The following MEIS2 variants were observed in gnomAD, a reference collection of about 807,000 sequenced individuals.
MEIS2 encodes the protein homeobox protein Meis2.
A neutral mutation model predicts 58.6 loss-of-function variants in MEIS2; 9 were observed. The observed-to-expected ratio is 0.15, with a 90% CI of 0.09 to 0.27. The LOEUF is 0.27. MEIS2 is among the 10% of genes least tolerant of loss of function. The pLI is 1.00. For synonymous variants in MEIS2, 221 were observed against 228.4 expected, an observed-to-expected ratio of 0.97 and a Z score of 0.29; for missense variants, 427 against 635.0, an observed-to-expected ratio of 0.67 and a Z score of 3.52.
chr15:36,934,681 G>T (rs529318008), intron 9 of MEIS2, among the ~76,000 whole-genome samples: 1 of 152,302 alleles, frequency 6.6e-6, no homozygotes, highest in African/African-American at 2.4e-5. Context: ...AGCATGAAAT[G>T]CTGTCATGCA....
At chr15:37,072,974 G>T (rs755209625) in intron 7 of MEIS2, among the ~76,000 whole-genome samples, 1 of 151,922 alleles carries the variant, frequency 6.6e-6, no homozygotes, top group Non-Finnish European at 1.5e-5. Flanking sequence ...GTATTTATTC[G>T]TTTACCTTTC....
At chr15:36,920,253 G>A (rs1210908922) in intron 9 of MEIS2, among the ~76,000 whole-genome samples, 6 of 151,990 alleles carry the variant, frequency 3.9e-5, no homozygotes, top group East Asian at 3.9e-4. Context: ...GGGTTCAAGC[G>A]ATTCTCCTGC....
At chr15:37,074,993 C>T (rs577104153) in intron 7 of MEIS2, among the ~76,000 whole-genome samples, 15 of 152,072 alleles carry the variant, frequency 9.9e-5, no homozygotes, top group Admixed American at 3.9e-4. Flanking sequence ...TGTAGAAAAT[C>T]GACAACAGGA....
chr15:36,896,813 G>T, intron 9 of MEIS2, 127 bp from the exon 10 acceptor site: 1 of 810,254 alleles, frequency 1.2e-6, no homozygotes, highest in Middle Eastern at 2.3e-4. Context: ...TCAATTTAAA[G>T]GTGATTTTCC....
chr15:37,033,362 G>A (rs1028604687), intron 8 of MEIS2, among the ~76,000 whole-genome samples: 1 of 152,140 alleles, frequency 6.6e-6, no homozygotes, highest in Non-Finnish European at 1.5e-5. Context: ...CAAAGCCTTG[G>A]CAGCCCCCTT....
intron 7 of MEIS2, among the ~76,000 whole-genome samples, chr15:37,065,639 TA>T (rs941118103): frequency 6.6e-6 from 1 of 152,228 alleles, no homozygotes; most frequent in African/African-American, 2.4e-5. Context: ...GCTTAATTTT[TA>T]AAGCCCATCT....
chr15:37,084,954 TACTGGCAAGTGA>T (rs1262786816), intron 6 of MEIS2, among the ~76,000 whole-genome samples: 8 of 152,130 alleles, frequency 5.3e-5, no homozygotes, highest in African/African-American at 1.9e-4. Flanking sequence ...CCCACAGACC[TACTGGCAAGTGA>T]ATGATTTGGG....
intron 8 of MEIS2, among the ~76,000 whole-genome samples, chr15:37,021,393 C>T (rs4924117): frequency 0.45 from 68,895 of 152,042 alleles, 16,180 homozygotes; most frequent in East Asian, 0.7. Context: ...CTTTCCCCTA[C>T]GACTTATGTA....
At chr15:37,009,134 A>G (rs540253629) in intron 8 of MEIS2, among the ~76,000 whole-genome samples, 39 of 152,138 alleles carry the variant, frequency 2.6e-4, no homozygotes, top group Admixed American at 8.5e-4. Context: ...CTAAAAATAC[A>G]AAAAATTAAC....
At chr15:37,042,105 T>C (rs1281279012) in intron 7 of MEIS2, among the ~76,000 whole-genome samples, 2 of 152,152 alleles carry the variant, frequency 1.3e-5, no homozygotes, top group Non-Finnish European at 2.9e-5. Context: ...GGGCAGTGAT[T>C]GCACCACTGC....
At chr15:37,031,690 G>A (rs116481396) in intron 8 of MEIS2, among the ~76,000 whole-genome samples, 2,515 of 151,912 alleles carry the variant, frequency 0.017, 70 homozygotes, top group African/African-American at 0.057. Flanking sequence ...CTGAGAGGTG[G>A]GCTTCACCCC....
chr15:37,057,113 C>T (rs1439429505), intron 7 of MEIS2, among the ~76,000 whole-genome samples: 1 of 152,214 alleles, frequency 6.6e-6, no homozygotes, highest in Non-Finnish European at 1.5e-5. Flanking sequence ...CTCACGGCAC[C>T]TAGCCTGTAA....
intron 9 of MEIS2, among the ~76,000 whole-genome samples, chr15:36,930,929 T>A (rs982346523): frequency 1.3e-5 from 2 of 151,990 alleles, no homozygotes; most frequent in African/African-American, 4.8e-5. Context: ...AACCACGTAG[T>A]TCGAAAGTTG....
rs370892397 is a variant in MEIS2 at position 37,043,193 on chromosome 15, T to A, written c.755-6234A>T. Among the ~76,000 whole-genome samples the A allele has an allele frequency of 1.0e-3, 153 of 152,312 alleles. 1 individual carries two copies. The highest frequency in any genetic ancestry group is 3.3e-3 in the African/African-American group (137 of 41,572). On this transcript the variant is annotated intron_variant, in intron 7 of 11. Transcript: ENST00000561208. ...TTATTTAATTCTCATTTCTCCCTAG[T>A]TCTAGACCAGGTTTAATAGTTAAAT... is the stretch of plus-strand genomic sequence containing the variant.
At chr15:36,894,922 G>GA in intron 11 of MEIS2, 1 of 1,046,364 alleles carries the variant, frequency 9.6e-7, no homozygotes, top group Non-Finnish European at 1.5e-6. Flanking sequence ...GGTTTAAAAA[G>GA]AAAAAAGAAA....
intron 9 of MEIS2, among the ~76,000 whole-genome samples, chr15:36,922,493 C>T (rs76606742): frequency 5.3e-5 from 8 of 150,454 alleles, no homozygotes; most frequent in East Asian, 3.9e-4. Context: ...TTACATTTTA[C>T]GGGAGTTCAT....
At chr15:37,079,309 T>C (rs972363258) in intron 7 of MEIS2, among the ~76,000 whole-genome samples, 9 of 152,156 alleles carry the variant, frequency 5.9e-5, no homozygotes, top group Admixed American at 1.3e-4. Flanking sequence ...TGGATGAACT[T>C]AGCTCTAGGA....
intron 8 of MEIS2, among the ~76,000 whole-genome samples, chr15:37,032,753 AT>A (rs1381373238): frequency 2.0e-5 from 3 of 152,216 alleles, no homozygotes; most frequent in East Asian, 1.9e-4. Flanking sequence ...ATTATTGTGA[AT>A]TTTTTTAGAG....
chr15:36,921,484 G>T (rs2057504315), intron 9 of MEIS2, among the ~76,000 whole-genome samples: 1 of 152,166 alleles, frequency 6.6e-6, no homozygotes, highest in South Asian at 2.1e-4. Context: ...GCATTTTCAA[G>T]GAAAAACACC....
Sources: allele counts gnomAD v4.1 joint callset (sites outside exome capture counted in the v4.1 genomes callset), GRCh38; gene constraint gnomAD v4.1.1; transcripts MANE v1.5; gene names NCBI Gene and HGNC (gene_info 2026-07-23, HGNC 2026-07-21).